Variants in MPDZ observed in about 807,000 individuals in gnomAD.
The protein encoded by MPDZ is multiple PDZ domain crumbs cell polarity complex component, also known as multiple PDZ domain protein.
A neutral mutation model predicts 239.1 loss-of-function variants in MPDZ; 234 were observed. The observed-to-expected ratio is 0.98, with a 90% CI of 0.88 to 1.09. The LOEUF (loss-of-function observed/expected upper bound fraction) is 1.09, where lower values mean the gene tolerates loss of function less well. Among genes scored for constraint, MPDZ ranks in the 50% least tolerant of loss-of-function variants. MPDZ has a pLI of 0.00. For missense variants in MPDZ, 3,175 were observed against 2,510.0 expected, an observed-to-expected ratio of 1.26 and a Z score of -5.66; for synonymous variants, 1,048 against 881.3, an observed-to-expected ratio of 1.19 and a Z score of -3.35.
chr9:13,245,968 ACT>A (rs893129309), intron 3 of MPDZ, among the ~76,000 whole-genome samples: 5 of 151,740 alleles, frequency 3.3e-5, no homozygotes, highest in Non-Finnish European at 7.4e-5. Flanking sequence ...ACTTGCTAGC[ACT>A]CTTTTTGTTT....
chr9:13,145,423 G>A (rs375928563), intron 26 of MPDZ, among the ~76,000 whole-genome samples: 1 of 151,912 alleles, frequency 6.6e-6, no homozygotes, highest in Non-Finnish European at 1.5e-5. Context: ...GATTCTTGAA[G>A]AGCCTAAGGG....
chr9:13,166,664 TC>T (rs1951118349), intron 22 of MPDZ, among the ~76,000 whole-genome samples: 1 of 152,086 alleles, frequency 6.6e-6, no homozygotes, highest in African/African-American at 2.4e-5. Context: ...ACATTTTGCC[TC>T]CTGAGATCCT....
chr9:13,250,965 C>T (rs1013100780), intron 1 of MPDZ, among the ~76,000 whole-genome samples: 5 of 151,602 alleles, frequency 3.3e-5, no homozygotes, highest in Admixed American at 2.0e-4. Context: ...CCCGTCTCTG[C>T]TACAAATACA....
At chr9:13,205,865 AT>A in intron 11 of MPDZ, 50 bp downstream of exon 11, 1 of 1,449,820 alleles carries the variant, frequency 6.9e-7, no homozygotes, top group Non-Finnish European at 9.1e-7. Flanking sequence ...TTTAAAAAAA[AT>A]TGGAGACAAT....
intron 38 of MPDZ, among the ~76,000 whole-genome samples, chr9:13,120,802 T>C (rs1329280986): frequency 6.6e-6 from 1 of 152,182 alleles, no homozygotes; most frequent in East Asian, 1.9e-4. Flanking sequence ...ATTTCACAGA[T>C]TTCTGACTCA....
chr9:13,155,345 T>A (rs1420296858), intron 24 of MPDZ, among the ~76,000 whole-genome samples: 1 of 152,156 alleles, frequency 6.6e-6, no homozygotes, highest in African/African-American at 2.4e-5. Flanking sequence ...CTAGATAAAT[T>A]TTCATGTGTA....
intron 18 of MPDZ, among the ~76,000 whole-genome samples, chr9:13,185,980 T>C (rs960437763): frequency 5.9e-5 from 9 of 152,098 alleles, no homozygotes; most frequent in Non-Finnish European, 1.3e-4. Context: ...TATCTAAGCG[T>C]GAAATTGGAG....
rs576780664 is a variant in MPDZ, at chr9:13,185,324, A to G, written c.2481+946T>C. Among the ~76,000 whole-genome samples, 13 of 152,232 alleles carry G rather than the reference A, an allele frequency of 8.5e-5. No individual in the cohort carries two copies. In the South Asian group the frequency reaches 1.0e-3, roughly 12 times the overall value. On this transcript the variant is annotated intron_variant, in intron 18 of 46. Coordinates refer to ENST00000319217, the MANE Select transcript of MPDZ (RefSeq NM_001378778.1). ...TCTCCCCCGAAATTACAATCAGCAA[A>G]ATGTATATATAGTCAAAGAAATAAT... is the stretch of plus-strand genomic sequence containing the variant.
At chr9:13,111,182 T>G (rs974320976) in intron 43 of MPDZ, among the ~76,000 whole-genome samples, 1 of 152,244 alleles carries the variant, frequency 6.6e-6, no homozygotes, top group Non-Finnish European at 1.5e-5. Flanking sequence ...TAAAGTCTGG[T>G]TGGAAGACAG....
intron 39 of MPDZ, among the ~76,000 whole-genome samples, chr9:13,117,186 T>C (rs1340105374): frequency 6.6e-6 from 1 of 152,172 alleles, no homozygotes; most frequent in Non-Finnish European, 1.5e-5. Context: ...AAATACCTTA[T>C]TTTACTATAC....
intron 3 of MPDZ, 117 bp downstream of exon 3, chr9:13,247,518 A>C: frequency 8.9e-7 from 1 of 1,120,428 alleles, no homozygotes; most frequent in South Asian, 2.1e-5. Context: ...TGGAGGTTTA[A>C]ATGACTTCAT....
intron 36 of MPDZ, 134 bp from the exon 37 acceptor site, chr9:13,122,304 C>A: frequency 1.4e-6 from 1 of 733,890 alleles, no homozygotes; most frequent in East Asian, 2.7e-5. Context: ...AGTACAAGCT[C>A]CATATAATTC....
chr9:13,136,916 A>T (rs1946900717), intron 29 of MPDZ, 113 bp from the exon 30 acceptor site: 1 of 530,976 alleles, frequency 1.9e-6, no homozygotes, highest in African/African-American at 2.0e-5. Flanking sequence ...TATATTTTAT[A>T]TTAAATGTTA....
At chr9:13,192,770 T>A (rs1296386520) in intron 14 of MPDZ, among the ~76,000 whole-genome samples, 1 of 152,198 alleles carries the variant, frequency 6.6e-6, no homozygotes, top group South Asian at 2.1e-4. Context: ...GAAGCAAATA[T>A]ATTAGTAGTT....
In MPDZ at chr9:13,188,862, G is replaced by C. The variant is rs756133259; in HGVS notation, c.2286C>G (p.Ser762Arg). The stretch of plus-strand genomic sequence containing the variant: ...GTGCTTCTACAGCTTCCTCAAGACT[G>C]CTGTTTTCCAAGTTAACATCGTTTA... ...MFVNDVNLEN[S>R]SLEEAVEALK... Residue 762 changes from serine (S) to arginine (R), a missense_variant, in exon 17 of 47, where the codon AGC becomes AGG. By Grantham distance (110) the Ser-to-Arg change is moderately radical. Transcript: ENST00000319217. The C allele has an allele frequency of 1.3e-5, 21 of 1,613,452 alleles. No homozygotes were observed. The highest frequency in any genetic ancestry group is 1.6e-5 in the Non-Finnish European group (19 of 1,179,600).
rs770258839 is a variant in MPDZ at position 13,125,219 on chromosome 9, G to C, written c.4804C>G (p.Arg1602Gly). ...QSGSPEPESIRNTSRSSTPAI... is the reference protein window; with the variant it reads ...QSGSPEPESIGNTSRSSTPAI... Reference sequence around the variant, plus strand: ...CTCATGAGTCCAGAGGCCTTACTTCGGATGGACTCCGGTTCTGGGGAGCCA... The same window carrying C: ...CTCATGAGTCCAGAGGCCTTACTTCCGATGGACTCCGGTTCTGGGGAGCCA... Residue 1602 changes from arginine (R) to glycine (G), a missense_variant, in exon 35 of 47, where the codon CGA becomes GGA. Transcript: ENST00000319217. 2 of 1,590,900 alleles carry C rather than the reference G, an allele frequency of 1.3e-6. No homozygotes were observed. Among genetic ancestry groups the C allele is most frequent in the Admixed American group, 1.7e-5 (1 of 58,564 alleles).
chr9:13,222,930 T>C (rs187942822), intron 5 of MPDZ, among the ~76,000 whole-genome samples: 1 of 150,090 alleles, frequency 6.7e-6, no homozygotes, highest in African/African-American at 2.5e-5. Context: ...ATAGATTAGA[T>C]CCCCAACTGG....
intron 39 of MPDZ, 68 bp from the exon 40 acceptor site, chr9:13,115,402 T>A: frequency 1.5e-6 from 2 of 1,298,072 alleles, no homozygotes. Flanking sequence ...TCTTTAGGAA[T>A]ACATTTTACT....
intron 2 of MPDZ, 134 bp from the exon 3 acceptor site, chr9:13,247,935 A>G: frequency 1.1e-6 from 1 of 885,162 alleles, no homozygotes; most frequent in South Asian, 2.3e-5. Context: ...AATTGAATAA[A>G]AAAACAGTAG....
Sources: gnomAD v4.1 joint callset for allele counts (sites outside exome capture counted in the v4.1 genomes callset) on GRCh38, gnomAD v4.1.1 for gene constraint, MANE v1.5 for transcripts, NCBI Gene and HGNC (gene_info 2026-07-23, HGNC 2026-07-21) for gene names.